Variants in HS3ST5 observed in about 807,000 individuals in gnomAD.
The protein encoded by HS3ST5 is heparan sulfate-glucosamine 3-sulfotransferase 5.
A neutral mutation model predicts 25.4 loss-of-function variants in HS3ST5; 10 were observed. The ratio of observed to expected loss-of-function variants is 0.39; its 90% CI spans 0.24 to 0.67. HS3ST5 has a LOEUF of 0.67. HS3ST5 is among the 30% of genes least tolerant of loss of function. The pLI, the probability that HS3ST5 is intolerant of heterozygous loss-of-function variation, is 0.44. For missense variants in HS3ST5, 324 were observed against 420.7 expected (o/e 0.77, Z 2.01); for synonymous variants, 170 against 162.4 (o/e 1.05, Z -0.36).
At chr6:114,259,808 C>A (rs956658025) in intron 1 of HS3ST5, among the ~76,000 whole-genome samples, 1 of 152,106 alleles carries the variant, frequency 6.6e-6, no homozygotes, top group Non-Finnish European at 1.5e-5. Context: ...GTGCATCAAT[C>A]CACAATGCAC....
chr6:114,320,908 C>CTA (rs1473818226), intron 1 of HS3ST5, among the ~76,000 whole-genome samples: 8 of 100,996 alleles, frequency 7.9e-5, no homozygotes, highest in Admixed American at 2.8e-4. Context: ...CTCTCTCTCT[C>CTA]TCTCTCTATA....
At chr6:114,143,271 T>A (rs1777995079) in intron 3 of HS3ST5, among the ~76,000 whole-genome samples, 1 of 152,214 alleles carries the variant, frequency 6.6e-6, no homozygotes, top group Non-Finnish European at 1.5e-5. Context: ...TGAGTTAATA[T>A]CCATAAAGTA....
At chr6:114,314,225 G>A (rs940096163) in intron 1 of HS3ST5, among the ~76,000 whole-genome samples, 1 of 152,184 alleles carries the variant, frequency 6.6e-6, no homozygotes, top group African/African-American at 2.4e-5. Flanking sequence ...ACTATGCCAA[G>A]CCCCAATCCC....
chr6:114,244,374 A>G (rs1260565365), intron 1 of HS3ST5, among the ~76,000 whole-genome samples: 1 of 152,216 alleles, frequency 6.6e-6, no homozygotes, highest in Non-Finnish European at 1.5e-5. Flanking sequence ...TTCACTGCCC[A>G]TATCACTTAC....
At chr6:114,266,545 T>G (rs1773411843) in intron 1 of HS3ST5, among the ~76,000 whole-genome samples, 1 of 152,232 alleles carries the variant, frequency 6.6e-6, no homozygotes, top group Admixed American at 6.5e-5. Context: ...CTTTTTATTT[T>G]AAAATGCAAT....
At chr6:114,140,158 C>T (rs2114931161) in intron 3 of HS3ST5, among the ~76,000 whole-genome samples, 1 of 152,298 alleles carries the variant, frequency 6.6e-6, no homozygotes, top group Middle Eastern at 3.4e-3. Flanking sequence ...GGGGAAAAGT[C>T]TCAGTTTGAT....
At chr6:114,094,968 C>G (rs987096377) in intron 3 of HS3ST5, among the ~76,000 whole-genome samples, 2 of 152,156 alleles carry the variant, frequency 1.3e-5, no homozygotes, top group African/African-American at 4.8e-5. Context: ...CAACCACATG[C>G]AGGGAAGCAC....
intron 1 of HS3ST5, among the ~76,000 whole-genome samples, chr6:114,264,991 T>C (rs1773342613): frequency 6.6e-6 from 1 of 152,142 alleles, no homozygotes; most frequent in Non-Finnish European, 1.5e-5. Context: ...GTGATCCTGT[T>C]GCCTCAGCCT....
chr6:114,275,437 A>G (rs547877320), intron 1 of HS3ST5, among the ~76,000 whole-genome samples: 2 of 151,624 alleles, frequency 1.3e-5, no homozygotes, highest in Non-Finnish European at 2.9e-5. Flanking sequence ...TTATGCTTAC[A>G]ATACATACAG....
At chr6:114,198,975 A>G (rs968157790) in intron 2 of HS3ST5, among the ~76,000 whole-genome samples, 1 of 152,162 alleles carries the variant, frequency 6.6e-6, no homozygotes, top group Non-Finnish European at 1.5e-5. Context: ...TAGAATCACA[A>G]ACATTTTACA....
chr6:114,258,559 A>C (rs1215745052), intron 1 of HS3ST5, among the ~76,000 whole-genome samples: 2 of 152,086 alleles, frequency 1.3e-5, no homozygotes, highest in Non-Finnish European at 2.9e-5. Context: ...GGTGAGTGAC[A>C]GTGTCTTGTC....
intron 2 of HS3ST5, among the ~76,000 whole-genome samples, chr6:114,224,861 A>C (rs1258360953): frequency 6.6e-6 from 1 of 151,650 alleles, no homozygotes; most frequent in Non-Finnish European, 1.5e-5. Context: ...TTAAATATTC[A>C]ATGCTTGCAA....
In HS3ST5 at chr6:114,313,025, G is replaced by GAAAAA. The variant is rs5879258; in HGVS notation, c.-339+29165_-339+29169dup. Among the ~76,000 whole-genome samples the GAAAAA allele has an allele frequency of 9.3e-4, 15 of 16,126 alleles. 1 individual carries two copies. The highest frequency in any genetic ancestry group is 2.1e-3 in the African/African-American group (9 of 4,284). 10.6% of individuals were successfully genotyped at this position (16,126 alleles called of 152,430 possible). A position where few individuals can be genotyped will look rare whatever the true frequency, so the allele number is the denominator to read the frequency against. ...GGTGAGAGAAAGAGACCCTGCATCAGAAAAAAAAAAAAAAAAAAAAAAAAA... is the reference window on the plus strand; with the variant it reads ...GGTGAGAGAAAGAGACCCTGCATCAGAAAAAAAAAAAAAAAAAAAAAAAAAAAAAA... On this transcript the variant is annotated intron_variant, in intron 1 of 4. Coordinates refer to ENST00000312719, the MANE Select transcript of HS3ST5 (RefSeq NM_153612.4).
intron 1 of HS3ST5, among the ~76,000 whole-genome samples, chr6:114,294,875 T>C (rs1246273579): frequency 6.6e-6 from 1 of 152,208 alleles, no homozygotes; most frequent in Non-Finnish European, 1.5e-5. Flanking sequence ...AATTCTTCTA[T>C]GTATCTTTCT....
chr6:114,298,183 GA>G (rs1475420023), intron 1 of HS3ST5, among the ~76,000 whole-genome samples: 4 of 151,980 alleles, frequency 2.6e-5, no homozygotes, highest in Non-Finnish European at 4.4e-5. Context: ...TTTTATAAGA[GA>G]AAAAAATCTT....
intron 3 of HS3ST5, among the ~76,000 whole-genome samples, chr6:114,126,966 C>G (rs1360454356): frequency 6.6e-6 from 1 of 152,132 alleles, no homozygotes; most frequent in Non-Finnish European, 1.5e-5. Flanking sequence ...CCTTCATGGT[C>G]TAGGCTTTCT....
At chr6:114,303,994 G>A (rs1312923931) in intron 1 of HS3ST5, among the ~76,000 whole-genome samples, 1 of 152,120 alleles carries the variant, frequency 6.6e-6, no homozygotes, top group African/African-American at 2.4e-5. Context: ...GTGGACCTCA[G>A]AGAAGAGAAC....
intron 1 of HS3ST5, among the ~76,000 whole-genome samples, chr6:114,286,393 C>A (rs1449155389): frequency 1.3e-5 from 2 of 151,962 alleles, no homozygotes; most frequent in African/African-American, 4.8e-5. Context: ...GATGTGCTTT[C>A]AGCATTATGC....
chr6:114,146,867 G>A (rs1778192466), intron 3 of HS3ST5, among the ~76,000 whole-genome samples: 1 of 152,114 alleles, frequency 6.6e-6, no homozygotes, highest in African/African-American at 2.4e-5. Context: ...AGGCCTCCTG[G>A]GAAGCTGCCA....
Sources: allele counts gnomAD v4.1 joint callset (sites outside exome capture counted in the v4.1 genomes callset), GRCh38; gene constraint gnomAD v4.1.1; transcripts MANE v1.5; gene names NCBI Gene and HGNC (gene_info 2026-07-23, HGNC 2026-07-21).